ME1: variants seen among roughly 807,000 people sequenced by gnomAD.
The protein encoded by ME1 is NADP-dependent malic enzyme.
Under a neutral mutation model 66.4 loss-of-function variants are expected in ME1, and 74 were observed. The observed-to-expected ratio is 1.11, with a 90% CI of 0.92 to 1.35. The LOEUF is 1.35. Ranked by LOEUF, ME1 falls within the 40% of genes most tolerant of loss-of-function variation. The pLI, the probability that ME1 is intolerant of heterozygous loss-of-function variation, is 0.00. For synonymous variants in ME1, 251 were observed against 235.6 expected (o/e 1.07, Z -0.60); for missense variants, 750 against 694.1 (o/e 1.08, Z -0.90).
chr6:83,288,788 C>T (rs1427512830), intron 6 of ME1, among the ~76,000 whole-genome samples: 7 of 152,182 alleles, frequency 4.6e-5, no homozygotes, highest in South Asian at 2.1e-4. Flanking sequence ...TATCCATGAG[C>T]ATGGAATGTT....
intron 6 of ME1, among the ~76,000 whole-genome samples, chr6:83,275,229 G>A (rs978671346): frequency 2.0e-5 from 3 of 151,788 alleles, no homozygotes; most frequent in Non-Finnish European, 4.4e-5. Flanking sequence ...AGCTACATGG[G>A]AGGCTGAGGC....
In ME1 at chr6:83,210,842, TTCTC is replaced by T. The variant is rs1265181462; in HGVS notation, c.*1078_*1081del. The T allele has an allele frequency of 6.6e-6, 1 of 152,208 alleles. No homozygotes were observed. The highest frequency in any genetic ancestry group is 1.5e-5 in the Non-Finnish European group (1 of 68,030). The allele number at this position is 152,208 out of a possible 1,614,324, so 9.4% of individuals were successfully genotyped here. On this transcript the variant is annotated 3_prime_UTR_variant, in exon 14 of 14. Transcript: ENST00000369705. ...TACAGTCTGGGCATATAACTACTCT[TTCTC>T]ATAGAATGGTATTAGTCATCAAGAT...
At chr6:83,226,861 T>A (rs1790206376) in intron 11 of ME1, among the ~76,000 whole-genome samples, 1 of 152,158 alleles carries the variant, frequency 6.6e-6, no homozygotes, top group African/African-American at 2.4e-5. Context: ...TGTTGAAGCA[T>A]TGAGGACTCC....
chr6:83,298,172 C>T (rs899751989), intron 6 of ME1, among the ~76,000 whole-genome samples: 5 of 152,152 alleles, frequency 3.3e-5, no homozygotes, highest in African/African-American at 1.2e-4. Context: ...AGTTTACATT[C>T]CCACCAATAG....
chr6:83,413,342 T>C (rs1397211289), intron 1 of ME1, among the ~76,000 whole-genome samples: 1 of 152,192 alleles, frequency 6.6e-6, no homozygotes, highest in Non-Finnish European at 1.5e-5. Context: ...GGCTCGCACA[T>C]CCAGCCTAAA....
At chr6:83,247,975 A>G (rs1790655213) in intron 7 of ME1, among the ~76,000 whole-genome samples, 1 of 152,140 alleles carries the variant, frequency 6.6e-6, no homozygotes, top group African/African-American at 2.4e-5. Flanking sequence ...TAATGCCTCC[A>G]TTGTGGTGAC....
intron 1 of ME1, among the ~76,000 whole-genome samples, chr6:83,414,852 T>G (rs926483540): frequency 1.3e-5 from 2 of 152,218 alleles, no homozygotes; most frequent in East Asian, 3.8e-4. Context: ...AGCACTATTT[T>G]ATCATAACAA....
intron 3 of ME1, among the ~76,000 whole-genome samples, chr6:83,384,443 T>C (rs891061627): frequency 2.6e-5 from 4 of 151,914 alleles, no homozygotes; most frequent in African/African-American, 7.3e-5. Flanking sequence ...CAGTTTTTCA[T>C]GTCTTCTTTT....
At chr6:83,363,580 A>C (rs543245311) in intron 3 of ME1, among the ~76,000 whole-genome samples, 17 of 152,316 alleles carry the variant, frequency 1.1e-4, no homozygotes, top group Admixed American at 7.8e-4. Flanking sequence ...ACCAGGAAAA[A>C]AACTACAACC....
At chr6:83,251,083 C>T (rs1377254059) in intron 7 of ME1, among the ~76,000 whole-genome samples, 3 of 152,182 alleles carry the variant, frequency 2.0e-5, no homozygotes, top group Non-Finnish European at 4.4e-5. Flanking sequence ...TAAATACTTT[C>T]TGTGGGCTTG....
At chr6:83,302,275 G>A (rs530916479) in intron 6 of ME1, among the ~76,000 whole-genome samples, 4 of 152,106 alleles carry the variant, frequency 2.6e-5, no homozygotes, top group Middle Eastern at 3.4e-3. Context: ...CACAAAGAAG[G>A]GAACAACAGA....
chr6:83,351,065 G>A (rs1388309401), intron 4 of ME1, among the ~76,000 whole-genome samples: 1 of 144,408 alleles, frequency 6.9e-6, no homozygotes, highest in Non-Finnish European at 1.5e-5. Flanking sequence ...GAGCCCTAGA[G>A]AACCAAATTA....
chr6:83,409,484 GA>G (rs1770006254), intron 1 of ME1, among the ~76,000 whole-genome samples: 1 of 152,172 alleles, frequency 6.6e-6, no homozygotes, highest in South Asian at 2.1e-4. Context: ...GATTGGTTAG[GA>G]ATAAACACGT....
At chr6:83,247,628 T>A (rs1271812867) in intron 7 of ME1, among the ~76,000 whole-genome samples, 1 of 152,132 alleles carries the variant, frequency 6.6e-6, no homozygotes, top group Non-Finnish European at 1.5e-5. Context: ...TTGTTGGCAC[T>A]GGAATGCAAT....
chr6:83,224,669 G>A (rs1421341649), intron 11 of ME1, among the ~76,000 whole-genome samples: 6 of 124,914 alleles, frequency 4.8e-5, no homozygotes, highest in African/African-American at 1.6e-4. Context: ...GGGCGACAAA[G>A]CAAGATTCCA....
Position 83,346,175 on chromosome 6 carries a change from C to T in ME1, c.598G>A (p.Glu200Lys). Residue 200 changes from glutamate (E) to lysine (K), a missense_variant and splice_region_variant, in exon 5 of 14, where the codon GAG becomes AAG. By Grantham distance (56) the Glu-to-Lys change is moderately conservative. Coordinates refer to ENST00000369705, the MANE Select transcript of ME1 (RefSeq NM_002395.6). ...CCTTATAGACGTAAATTATTTACCT[C>T]ATTTTCGGTTCCCACATCCAGAATG... Reference protein sequence around the residue: ...PVILDVGTENEELLKDPLYIG... With the variant: ...PVILDVGTENKELLKDPLYIG... The T allele has an allele frequency of 1.2e-6, 2 of 1,604,758 alleles. No individual in the cohort carries two copies. Among genetic ancestry groups the T allele is most frequent in the Non-Finnish European group, 1.7e-6 (2 of 1,174,786 alleles).
intron 6 of ME1, among the ~76,000 whole-genome samples, chr6:83,285,967 G>T (rs1179563386): frequency 2.0e-5 from 3 of 152,146 alleles, no homozygotes; most frequent in Non-Finnish European, 4.4e-5. Flanking sequence ...AAAGCATACA[G>T]TCATTGTCAT....
At chr6:83,382,822 G>A (rs1400577187) in intron 3 of ME1, among the ~76,000 whole-genome samples, 3 of 150,532 alleles carry the variant, frequency 2.0e-5, no homozygotes, top group Admixed American at 6.6e-5. Flanking sequence ...AATATGTATT[G>A]GCTATTTTCA....
At chr6:83,281,587 C>T (rs1238289806) in intron 6 of ME1, among the ~76,000 whole-genome samples, 3 of 151,936 alleles carry the variant, frequency 2.0e-5, no homozygotes, top group African/African-American at 7.3e-5. Flanking sequence ...GGGCCCATCA[C>T]TTGAGGTCGG....
Sources: allele counts gnomAD v4.1 joint callset (sites outside exome capture counted in the v4.1 genomes callset), GRCh38; gene constraint gnomAD v4.1.1; transcripts MANE v1.5; gene names NCBI Gene and HGNC (gene_info 2026-07-23, HGNC 2026-07-21).